The following SLC35E4 variants were observed in gnomAD, a reference collection of about 807,000 sequenced individuals.
SLC35E4 encodes solute carrier family 35, member E4.
In SLC35E4, 15 loss-of-function variants were observed where a neutral mutation model predicts 19.3. That is an observed-to-expected ratio of 0.78 (90% CI 0.52 to 1.20). The LOEUF (loss-of-function observed/expected upper bound fraction) is 1.20, where lower values mean the gene tolerates loss of function less well. Ranked by LOEUF, SLC35E4 falls within the 50% of genes most tolerant of loss-of-function variation. The pLI is 0.00. For synonymous variants in SLC35E4, 219 were observed against 219.9 expected, an observed-to-expected ratio of 1.00 and a Z score of 0.04; for missense variants, 406 against 472.3, an observed-to-expected ratio of 0.86 and a Z score of 1.30.
chr22:30,636,669 G>A lies in SLC35E4; in HGVS notation c.219G>A (p.Val73=). ...MSSLNKWIFT[V]HGFGRPLLLS... ...GCCTCAACAAGTGGATCTTCACAGT[G>A]CACGGCTTTGGGCGGCCCCTGCTGC... The change falls in exon 1 of 2, where the codon GTG becomes GTA. Residue 73 remains valine, a synonymous_variant. Coordinates refer to ENST00000343605, the MANE Select transcript of SLC35E4 (RefSeq NM_001001479.4). The A allele has an allele frequency of 1.2e-6, 2 of 1,612,188 alleles. No homozygotes were observed. The highest frequency in any genetic ancestry group is 1.7e-6 in the Non-Finnish European group (2 of 1,179,304).
At chr22:30,637,694 C>G (rs1014173505) in intron 1 of SLC35E4, among the ~76,000 whole-genome samples, 33 of 152,304 alleles carry the variant, frequency 2.2e-4, no homozygotes, top group East Asian at 1.9e-4. Context: ...AGCCAGTGAT[C>G]TGTGTTTGAC....
intron 2 of SLC35E4, among the ~76,000 whole-genome samples, chr22:30,659,740 C>CT (rs2088421681): frequency 6.6e-6 from 1 of 152,154 alleles, no homozygotes; most frequent in African/African-American, 2.4e-5. Flanking sequence ...GTGAATGTTA[C>CT]TTTATATGAC....
intron 1 of SLC35E4, among the ~76,000 whole-genome samples, chr22:30,643,378 T>A (rs770150610): frequency 6.6e-6 from 1 of 152,188 alleles, no homozygotes; most frequent in Non-Finnish European, 1.5e-5. Context: ...TGCTTCTTCC[T>A]GGGGAGCGCT....
chr22:30,636,515 C>T lies in SLC35E4; in HGVS notation c.65C>T (p.Ala22Val), dbSNP rs757046357. The change falls in exon 1 of 2, where the codon GCT becomes GTT. Residue 22 changes from alanine to valine, a missense_variant. Transcript: ENST00000343605. ...RMTSAEVGAA[A>V]GGAQAAGPPE... ...ACCTCAGCCGAAGTAGGAGCAGCAG[C>T]TGGTGGTGCTCAGGCGGCTGGGCCC... The T allele has an allele frequency of 6.5e-7, 1 of 1,547,176 alleles. No homozygotes were observed. Among genetic ancestry groups the T allele is most frequent in the Non-Finnish European group, 8.7e-7 (1 of 1,144,412 alleles).
At chr22:30,660,214 T>C (rs2145602114) in intron 2 of SLC35E4, among the ~76,000 whole-genome samples, 1 of 152,352 alleles carries the variant, frequency 6.6e-6, no homozygotes, top group South Asian at 2.1e-4. Flanking sequence ...TGAGAAAATA[T>C]ATGGATGTTG....
chr22:30,667,868 C>T (rs1195879643), downstream of SLC35E4: 1 of 152,450 alleles, frequency 6.6e-6, no homozygotes, highest in Non-Finnish European at 1.5e-5. Flanking sequence ...CGTAGCCGCC[C>T]GGGCTCTGTG....
rs577120089 is a variant in SLC35E4 at position 30,639,560 on chromosome 22, G to A, written c.619+2491G>A. The stretch of plus-strand genomic sequence containing the variant: ...GGGCTTATTTCATCCCTACAGCTTC[G>A]ACCATAAAAGATGGCCGCCCCCCAG... On this transcript the variant is annotated intron_variant, in intron 1 of 1. Transcript: ENST00000343605. Among the ~76,000 whole-genome samples, 68 of 152,138 alleles carry A rather than the reference G, an allele frequency of 4.5e-4. No individual in the cohort carries two copies. The South Asian group carries it at 0.012, about 27-fold the overall frequency.
intron 1 of SLC35E4, among the ~76,000 whole-genome samples, chr22:30,641,234 C>T (rs2068932149): frequency 6.6e-6 from 1 of 152,234 alleles, no homozygotes; most frequent in Admixed American, 6.5e-5. Context: ...GGGCAATGGC[C>T]GGCCAGGCCT....
rs370196864 is a variant in SLC35E4, at chr22:30,654,145, ATTTTTAT to A, written c.*8+4905_*8+4911del. On this transcript the variant is annotated intron_variant, in intron 2 of 2. Transcript: ENST00000406566. The stretch of plus-strand genomic sequence containing the variant: ...CGGGCGCCCGCCACCACGCCCGGCT[ATTTTTAT>A]TTTTTATTTTTTTAGTAGAGACTGG... The A allele has an allele frequency of 2.4e-3, 549 of 225,856 alleles. 2 individuals are homozygous for A. Among genetic ancestry groups the A allele is most frequent in the African/African-American group, 7.8e-3 (331 of 42,638 alleles). The allele number at this position is 225,856 out of a possible 1,614,324, so 14.0% of individuals were successfully genotyped here.
chr22:30,666,154 G>A (rs115405029), downstream of SLC35E4, among the ~76,000 whole-genome samples: 704 of 152,194 alleles, frequency 4.6e-3, 7 homozygotes, highest in African/African-American at 0.015. Context: ...CTGGATCCTC[G>A]TCATCAGAAA....
Position 30,647,011 on chromosome 22 carries a change from C to T in SLC35E4, c.1033C>T (p.Gln345Ter). 1 of 1,607,630 alleles carries T rather than the reference C, an allele frequency of 6.2e-7. No individual in the cohort carries two copies. Among genetic ancestry groups the T allele is most frequent in the Non-Finnish European group, 8.5e-7 (1 of 1,177,540 alleles). Reference protein sequence around the residue: ...AARRGLWRRDQPSKGL With the variant: ...AARRGLWRRD ...CCGTCGGGGGCTGTGGCGGAGGGACCAGCCCAGCAAGGGTCTTTGAGACCT... is the reference window on the plus strand; with the variant it reads ...CCGTCGGGGGCTGTGGCGGAGGGACTAGCCCAGCAAGGGTCTTTGAGACCT... The change falls in exon 2 of 2, where the codon CAG becomes TAG. Residue 345 changes from glutamine to a stop codon, truncating the protein, a stop_gained. Transcript: ENST00000343605. LOFTEE classifies it high-confidence loss of function.
intron 2 of SLC35E4, among the ~76,000 whole-genome samples, chr22:30,658,305 G>C (rs967755486): frequency 6.6e-6 from 1 of 151,386 alleles, no homozygotes; most frequent in African/African-American, 2.4e-5. Context: ...TTGGGAGGCT[G>C]AGGCAGGAGG....
At chr22:30,643,940 T>C (rs2088086823) in intron 1 of SLC35E4, among the ~76,000 whole-genome samples, 1 of 152,158 alleles carries the variant, frequency 6.6e-6, no homozygotes, top group Non-Finnish European at 1.5e-5. Flanking sequence ...ATGGCTGCCC[T>C]TTCCCTGGGC....
downstream of SLC35E4, chr22:30,665,560 G>A (rs771442078): frequency 1.1e-5 from 5 of 470,730 alleles, no homozygotes; most frequent in East Asian, 6.9e-5. Flanking sequence ...CAACTTAAAG[G>A]TAACTGTTTT....
downstream of SLC35E4, chr22:30,667,167 A>G (rs1425359952): frequency 6.6e-6 from 1 of 152,202 alleles, no homozygotes; most frequent in Non-Finnish European, 1.5e-5. Context: ...ACCGGCGTCT[A>G]GAGTTAATAT....
At chr22:30,651,403 A>G (rs1191593633), downstream of SLC35E4, among the ~76,000 whole-genome samples, 2,033 of 53,306 alleles carry the variant, frequency 0.038, 37 homozygotes, top group African/African-American at 0.059. Flanking sequence ...GTGTGTGTAT[A>G]TATATATATA....
rs570156776 is a variant in SLC35E4, at chr22:30,635,970, C to A, written c.-481C>A. 154 of 153,126 alleles carry A rather than the reference C, an allele frequency of 1.0e-3. No homozygotes were observed. The highest frequency in any genetic ancestry group is 1.8e-3 in the Non-Finnish European group (123 of 68,584). 9.5% of individuals were successfully genotyped at this position (153,126 alleles called of 1,614,324 possible). On this transcript the variant is annotated 5_prime_UTR_variant, in exon 1 of 2. Coordinates refer to ENST00000343605, the MANE Select transcript of SLC35E4 (RefSeq NM_001001479.4). ...GCTGTGGGAGGCAGCGAGCCCGCGA[C>A]CCCCCGGGCCGGGCACCGCCAGGCG...
At chr22:30,640,814 T>A (rs1307479012) in intron 1 of SLC35E4, among the ~76,000 whole-genome samples, 2 of 152,082 alleles carry the variant, frequency 1.3e-5, no homozygotes, top group African/African-American at 4.8e-5. Context: ...GGCCTCTTGC[T>A]CTCCCTTCGC....
At position 30,637,009 on chromosome 22, in the gene SLC35E4, A is replaced by G. The variant is rs1602069020; in HGVS notation, c.559A>G (p.Thr187Ala). 6.2e-7 allele frequency: 1 copy of G among 1,602,034 alleles called. No individual in the cohort carries two copies. Among genetic ancestry groups the G allele is most frequent in the Non-Finnish European group, 8.5e-7 (1 of 1,171,920 alleles). ...SLAGEFRTPP[T>A]GCGFLLAATC... is the part of the protein sequence containing the mutation. The stretch of plus-strand genomic sequence containing the variant: ...GGCTGGAGAGTTCCGGACACCCCCT[A>G]CCGGCTGTGGCTTCCTGCTCGCAGC... Residue 187 changes from threonine to alanine, a missense_variant, in exon 1 of 2, where the codon ACC becomes GCC. By Grantham distance (58) the Thr-to-Ala change is moderately conservative (BLOSUM62 0). Coordinates refer to ENST00000343605, the MANE Select transcript of SLC35E4 (RefSeq NM_001001479.4).
Sources: gnomAD v4.1 joint callset for allele counts (sites outside exome capture counted in the v4.1 genomes callset) on GRCh38, gnomAD v4.1.1 for gene constraint, MANE v1.5 for transcripts, NCBI Gene and HGNC (gene_info 2026-07-23, HGNC 2026-07-21) for gene names.